The following PRCP variants were observed in gnomAD, a reference collection of about 807,000 sequenced individuals.
PRCP encodes prolylcarboxypeptidase.
In PRCP, 46 loss-of-function variants were observed where a neutral mutation model predicts 54.2. The observed-to-expected ratio is 0.85, with a 90% CI of 0.67 to 1.09. PRCP has a LOEUF of 1.09. Among genes scored for constraint, PRCP ranks in the 50% least tolerant of loss-of-function variants. PRCP has a pLI of 0.00. For missense variants in PRCP, 613 were observed against 596.8 expected (o/e 1.03, Z -0.28); for synonymous variants, 240 against 212.2 (o/e 1.13, Z -1.14).
At chr11:82,863,778 C>T (rs942784368) in intron 1 of PRCP, among the ~76,000 whole-genome samples, 31 of 152,132 alleles carry the variant, frequency 2.0e-4, no homozygotes, top group African/African-American at 7.2e-4. Flanking sequence ...AACTTCAGAA[C>T]CAGAGAAAGC....
intron 2 of PRCP, among the ~76,000 whole-genome samples, chr11:82,853,875 A>G (rs894601194): frequency 6.6e-6 from 1 of 152,200 alleles, no homozygotes; most frequent in Non-Finnish European, 1.5e-5. Context: ...AACAGAATTC[A>G]CCACATAAAC....
At chr11:82,891,476 C>T (rs1157905028) in intron 1 of PRCP, among the ~76,000 whole-genome samples, 3 of 152,154 alleles carry the variant, frequency 2.0e-5, no homozygotes, top group Non-Finnish European at 4.4e-5. Flanking sequence ...ATTCTTCTAC[C>T]CCTAAAGCTC....
chr11:82,874,703 A>AAG (rs1555017931), intron 1 of PRCP, among the ~76,000 whole-genome samples: 2 of 150,184 alleles, frequency 1.3e-5, no homozygotes, highest in Admixed American at 6.6e-5. Flanking sequence ...AAAAAAAAAA[A>AAG]AAAAAAGAAA....
chr11:82,860,113 T>C lies in PRCP; in HGVS notation c.173A>G (p.Asp58Gly), dbSNP rs1207315748. 6.6e-7 allele frequency: 1 copy of C among 1,505,726 alleles called. No homozygotes were observed. The highest frequency in any genetic ancestry group is 8.9e-7 in the Non-Finnish European group (1 of 1,120,024). The allele number at this position is 1,505,726 out of a possible 1,614,324, so 93.3% of individuals were successfully genotyped here. A position where few individuals can be genotyped will look rare whatever the true frequency, so the allele number is the denominator to read the frequency against. The part of the protein sequence containing the change: ...YSVLYFQQKV[D>G]HFGFNTVKTF... ...TTTCACAGTATTAAATCCAAAATGATCAACCTGTGATAAAAACAAAACAAA... is the reference window on the plus strand; with the variant it reads ...TTTCACAGTATTAAATCCAAAATGACCAACCTGTGATAAAAACAAAACAAA... The change falls in exon 2 of 9, where the codon GAT becomes GGT. Residue 58 changes from aspartate (D) to glycine (G), a missense_variant. Physicochemically the swap from Asp to Gly is moderately conservative, Grantham distance 94. Transcript: ENST00000313010.
chr11:82,894,876 A>G (rs1209407567), intron 1 of PRCP, among the ~76,000 whole-genome samples: 1 of 152,202 alleles, frequency 6.6e-6, no homozygotes, highest in African/African-American at 2.4e-5. Flanking sequence ...TTTCCCCCCA[A>G]CACTTTATCA....
intron 1 of PRCP, among the ~76,000 whole-genome samples, chr11:82,863,135 T>C (rs1295898975): frequency 6.6e-6 from 1 of 152,114 alleles, no homozygotes; most frequent in Non-Finnish European, 1.5e-5. Flanking sequence ...ACCTACAGAA[T>C]CAGAAACCAT....
chr11:82,849,768 G>A (rs10736756), intron 5 of PRCP, 146 bp downstream of exon 5: 320,386 of 702,446 alleles, frequency 0.46, 73,823 homozygotes, highest in Admixed American at 0.54. Context: ...ATCAAGCTAC[G>A]CATTTTGATT....
intron 6 of PRCP, among the ~76,000 whole-genome samples, chr11:82,846,997 A>G (rs1403902804): frequency 1.3e-5 from 2 of 152,232 alleles, no homozygotes; most frequent in South Asian, 2.1e-4. Context: ...GGAGACAGCC[A>G]TCCTCAATTG....
chr11:82,900,058 G>A (rs1860225337), intron 1 of PRCP, 177 bp downstream of exon 1: 3 of 796,212 alleles, frequency 3.8e-6, no homozygotes, highest in Admixed American at 6.1e-5. Flanking sequence ...AATGGGAGGA[G>A]AAAATTTAAA....
chr11:82,824,285 T>C lies in PRCP; in HGVS notation c.*621A>G, dbSNP rs2510289. ...AGTGGAAGAGAAAAAATTAAAGGACTTTCCAAAAACAGCTAAGCCCAGTGC... is the reference window on the plus strand; with the variant it reads ...AGTGGAAGAGAAAAAATTAAAGGACCTTCCAAAAACAGCTAAGCCCAGTGC... On this transcript the variant is annotated 3_prime_UTR_variant, in exon 9 of 9. Transcript: ENST00000313010. 1.0e-2 allele frequency: 1,524 copies of C among 152,528 alleles called. 10 individuals are homozygous for C. The highest frequency in any genetic ancestry group is 0.016 in the Non-Finnish European group (1,116 of 68,098). The allele number at this position is 152,528 out of a possible 1,614,324, so 9.4% of individuals were successfully genotyped here.
At chr11:82,842,314 C>G (rs574036527) in intron 6 of PRCP, among the ~76,000 whole-genome samples, 1 of 152,284 alleles carries the variant, frequency 6.6e-6, no homozygotes, top group Non-Finnish European at 1.5e-5. Context: ...CCCAGTTACA[C>G]AGAGAGAACA....
chr11:82,893,708 A>C (rs1860054504), intron 1 of PRCP, among the ~76,000 whole-genome samples: 1 of 152,168 alleles, frequency 6.6e-6, no homozygotes, highest in African/African-American at 2.4e-5. Flanking sequence ...TGGGAGGATC[A>C]CTTGAGCCCA....
At chr11:82,846,120 C>G (rs1311423629) in intron 6 of PRCP, 1 of 152,128 alleles carries the variant, frequency 6.6e-6, no homozygotes, top group East Asian at 1.9e-4. Flanking sequence ...CATCCTAAGC[C>G]TGAGTTACAG....
chr11:82,847,173 T>G (rs1365181383), intron 6 of PRCP, among the ~76,000 whole-genome samples: 1 of 152,262 alleles, frequency 6.6e-6, no homozygotes, highest in African/African-American at 2.4e-5. Flanking sequence ...TTTTATCATC[T>G]GACAACTCAT....
intron 3 of PRCP, among the ~76,000 whole-genome samples, chr11:82,851,749 C>G (rs996936600): frequency 2.0e-5 from 3 of 152,098 alleles, no homozygotes; most frequent in Non-Finnish European, 4.4e-5. Context: ...ATGCTTTGGT[C>G]TCACCATCCT....
chr11:82,892,974 T>C (rs931750945), intron 1 of PRCP, among the ~76,000 whole-genome samples: 1 of 152,100 alleles, frequency 6.6e-6, no homozygotes, highest in Non-Finnish European at 1.5e-5. Context: ...AGTAGGTAGG[T>C]AGGTGGGTGG....
chr11:82,861,233 A>G (rs1334480002), intron 1 of PRCP, among the ~76,000 whole-genome samples: 1 of 152,186 alleles, frequency 6.6e-6, no homozygotes, highest in Non-Finnish European at 1.5e-5. Context: ...GATGGCTACG[A>G]ATAGTCCCAG....
chr11:82,837,086 A>G (rs1368789817), intron 8 of PRCP: 1 of 223,688 alleles, frequency 4.5e-6, no homozygotes, highest in Admixed American at 4.9e-5. Context: ...CACACATGCC[A>G]ATCACCAGAC....
At chr11:82,879,139 G>A (rs566134181) in intron 1 of PRCP, among the ~76,000 whole-genome samples, 1 of 152,242 alleles carries the variant, frequency 6.6e-6, no homozygotes, top group Non-Finnish European at 1.5e-5. Context: ...TTCCAACTTG[G>A]TTCCATTCTC....
Sources: allele counts gnomAD v4.1 joint callset (sites outside exome capture counted in the v4.1 genomes callset), GRCh38; gene constraint gnomAD v4.1.1; transcripts MANE v1.5; gene names NCBI Gene and HGNC (gene_info 2026-07-23, HGNC 2026-07-21).